Variants in SRPK2 observed in about 807,000 individuals in gnomAD.
The protein encoded by SRPK2 is SRSF protein kinase 2, also known as SFRS protein kinase 2.
In SRPK2, 21 loss-of-function variants were observed where a neutral mutation model predicts 90.8. The observed-to-expected ratio is 0.23, with a 90% confidence interval of 0.16 to 0.33. The LOEUF is 0.33. Among genes scored for constraint, SRPK2 ranks in the 10% least tolerant of loss-of-function variants. The pLI, the probability that SRPK2 is intolerant of heterozygous loss-of-function variation, is 1.00. For missense variants in SRPK2, 620 were observed against 869.0 expected (o/e 0.71, Z 3.60); for synonymous variants, 288 against 311.1 (o/e 0.93, Z 0.78).
At chr7:105,126,474 T>C (rs1801228388) in intron 14 of SRPK2, 134 bp from the exon 15 acceptor site, 4 of 676,466 alleles carry the variant, frequency 5.9e-6, no homozygotes, top group South Asian at 1.9e-5. Flanking sequence ...AGCACATCCA[T>C]GCAGAGGCTT....
chr7:105,139,846 C>G (rs1169444374), intron 11 of SRPK2, among the ~76,000 whole-genome samples: 1 of 151,738 alleles, frequency 6.6e-6, no homozygotes, highest in African/African-American at 2.4e-5. Flanking sequence ...GGGTAAGAAA[C>G]CAAAGTTCCA....
At chr7:105,366,892 A>G (rs1193654858) in intron 2 of SRPK2, among the ~76,000 whole-genome samples, 1 of 152,192 alleles carries the variant, frequency 6.6e-6, no homozygotes, top group Admixed American at 6.6e-5. Flanking sequence ...TCTAAGATGC[A>G]TATCAAGCAA....
Position 105,203,616 on chromosome 7 carries a change from T to G in SRPK2, c.229+12A>C, listed in dbSNP as rs753447259. The G allele has an allele frequency of 1.4e-6, 2 of 1,475,822 alleles. No individual in the cohort carries two copies. The highest frequency in any genetic ancestry group is 2.9e-5 in the African/African-American group (2 of 68,394). The allele number at this position is 1,475,822 out of a possible 1,614,324, so 91.4% of individuals were successfully genotyped here. Reference sequence around the variant, plus strand: ...GAAGGCAAGCCCCACACCACCATGCTTGGCACATCACCTTTGCAGTAGTCC... The same window carrying G: ...GAAGGCAAGCCCCACACCACCATGCGTGGCACATCACCTTTGCAGTAGTCC... On this transcript the variant is annotated intron_variant, in intron 3 of 15. Transcript: ENST00000393651.
chr7:105,333,269 T>A (rs746730943), intron 2 of SRPK2, among the ~76,000 whole-genome samples: 5 of 152,206 alleles, frequency 3.3e-5, no homozygotes, highest in Non-Finnish European at 5.9e-5. Context: ...GTATGAAATG[T>A]TACATTGGAA....
intron 2 of SRPK2, among the ~76,000 whole-genome samples, chr7:105,278,668 A>G (rs1428276996): frequency 6.6e-6 from 1 of 151,850 alleles, no homozygotes; most frequent in East Asian, 1.9e-4. Flanking sequence ...CCTGGGCGAC[A>G]GAGCCAGACT....
At chr7:105,189,201 T>G (rs1378279733) in intron 3 of SRPK2, 1 of 154,600 alleles carries the variant, frequency 6.5e-6, no homozygotes, top group Non-Finnish European at 1.4e-5. Flanking sequence ...CCACAGCCCC[T>G]GAATTCGCCT....
At chr7:105,195,178 G>T (rs937974508) in intron 3 of SRPK2, among the ~76,000 whole-genome samples, 6 of 152,144 alleles carry the variant, frequency 3.9e-5, no homozygotes, top group Admixed American at 3.3e-4. Flanking sequence ...GCCTCCCGAG[G>T]AGCTGGGACT....
intron 2 of SRPK2, among the ~76,000 whole-genome samples, chr7:105,358,807 AAG>A (rs1347060220): frequency 1.3e-5 from 2 of 152,164 alleles, no homozygotes. Flanking sequence ...ATATAAAGAA[AAG>A]AGATGTATGT....
At position 105,316,077 on chromosome 7, in the gene SRPK2, T is replaced by C. The variant is rs575163960; in HGVS notation, c.71+72571A>G. Among the ~76,000 whole-genome samples, 3 of 146,702 alleles carry C rather than the reference T, an allele frequency of 2.0e-5. No individual in the cohort carries two copies. In the South Asian group the frequency reaches 6.4e-4, roughly 31 times the overall value. On this transcript the variant is annotated intron_variant, in intron 2 of 15. Coordinates refer to ENST00000393651, the MANE Select transcript of SRPK2 (RefSeq NM_182692.3). ...TTCGCTCTTGTCACCCAGCCTGGAG[T>C]GCAATGGCGCGATCTCGGCTCACTG...
chr7:105,395,760 A>G (rs1420903069), intron 1 of SRPK2, among the ~76,000 whole-genome samples: 1 of 152,154 alleles, frequency 6.6e-6, no homozygotes, highest in East Asian at 1.9e-4. Flanking sequence ...ACTTAAAGCT[A>G]TCTTGCCAGT....
chr7:105,280,350 G>A (rs1056330752), intron 2 of SRPK2, among the ~76,000 whole-genome samples: 1 of 151,972 alleles, frequency 6.6e-6, no homozygotes, highest in Non-Finnish European at 1.5e-5. Flanking sequence ...GGGAGGCAGA[G>A]GTTGCAGTGA....
At chr7:105,176,555 ATATG>A (rs1289816748) in intron 3 of SRPK2, among the ~76,000 whole-genome samples, 33 of 119,800 alleles carry the variant, frequency 2.8e-4, no homozygotes, top group Middle Eastern at 3.8e-3. Context: ...GGTTTTGCAT[ATATG>A]TGTGTGTGTG....
chr7:105,220,071 T>C (rs1037527273), intron 2 of SRPK2, among the ~76,000 whole-genome samples: 2 of 152,218 alleles, frequency 1.3e-5, no homozygotes, highest in African/African-American at 4.8e-5. Context: ...TCTGACTTAA[T>C]CATAAAAAAT....
intron 2 of SRPK2, among the ~76,000 whole-genome samples, chr7:105,308,142 G>T (rs1811338445): frequency 6.6e-6 from 1 of 152,114 alleles, no homozygotes; most frequent in Non-Finnish European, 1.5e-5. Flanking sequence ...CTACCTGGAG[G>T]TCCTAACAGT....
chr7:105,330,260 C>A (rs761289264), intron 2 of SRPK2, among the ~76,000 whole-genome samples: 1 of 151,542 alleles, frequency 6.6e-6, no homozygotes, highest in East Asian at 1.9e-4. Context: ...TGGCGTCAAC[C>A]CAGGAGGTGG....
rs1453843216 is a variant in SRPK2 at position 105,142,240 on chromosome 7, T to C, written c.1311A>G (p.Thr437=). 6.8e-6 allele frequency: 11 copies of C among 1,614,050 alleles called. No individual in the cohort carries two copies. The highest frequency in any genetic ancestry group is 3.3e-4 in the Middle Eastern group (2 of 6,024). Residue 437 remains threonine, a synonymous_variant, in exon 11 of 16, where the codon ACA becomes ACG. Transcript: ENST00000393651. ...LDEPNAESDY[T]YSSSYEQFNG... ...TGAATTGTTCATAGGAGCTGCTATA[T>C]GTGTAATCACTTTCTGCATTTGGCT...
chr7:105,233,255 C>T (rs1254144827), intron 2 of SRPK2, among the ~76,000 whole-genome samples: 11 of 152,100 alleles, frequency 7.2e-5, no homozygotes, highest in South Asian at 2.1e-4. Flanking sequence ...AACACCTAAT[C>T]GCATCTGAAA....
intron 4 of SRPK2, 122 bp downstream of exon 4, chr7:105,169,035 G>A (rs1025429293): frequency 1.5e-6 from 1 of 667,528 alleles, no homozygotes; most frequent in African/African-American, 1.9e-5. Context: ...AGCTGAGGCA[G>A]GCCTGTGCTA....
intron 6 of SRPK2, among the ~76,000 whole-genome samples, chr7:105,163,576 C>T (rs1224775398): frequency 6.6e-6 from 1 of 152,070 alleles, no homozygotes; most frequent in Admixed American, 6.6e-5. Flanking sequence ...GGGCAGATCA[C>T]CTGAGGTCGG....
Sources: gnomAD v4.1 joint callset for allele counts (sites outside exome capture counted in the v4.1 genomes callset) on GRCh38, gnomAD v4.1.1 for gene constraint, MANE v1.5 for transcripts, NCBI Gene and HGNC (gene_info 2026-07-23, HGNC 2026-07-21) for gene names.